GRIN2B: variants seen among roughly 807,000 people sequenced by gnomAD.
GRIN2B encodes glutamate receptor ionotropic, NMDA 2B.
Under a neutral mutation model 114.5 loss-of-function variants are expected in GRIN2B, and 5 were observed. That is an observed-to-expected ratio of 0.04 (90% CI 0.02 to 0.09). GRIN2B has a LOEUF of 0.09. GRIN2B is among the 10% of genes least tolerant of loss of function. The probability of loss-of-function intolerance (pLI) is 1.00; values close to 1 mark genes in which losing one functional copy is unlikely to be tolerated. For missense variants in GRIN2B, 1,108 were observed against 1,943.5 expected, an observed-to-expected ratio of 0.57 and a Z score of 8.08; for synonymous variants, 787 against 745.1, an observed-to-expected ratio of 1.06 and a Z score of -0.92.
intron 2 of GRIN2B, among the ~76,000 whole-genome samples, chr12:13,924,055 A>C (rs1241360778): frequency 6.6e-6 from 1 of 152,138 alleles, no homozygotes; most frequent in East Asian, 1.9e-4. Flanking sequence ...AAAACAGAGA[A>C]TCTTACTCTT....
chr12:13,584,705 C>T (rs569965356), intron 10 of GRIN2B, among the ~76,000 whole-genome samples: 3 of 152,292 alleles, frequency 2.0e-5, no homozygotes, highest in African/African-American at 7.2e-5. Flanking sequence ...AGACTTAGGA[C>T]TTGACAATGC....
At chr12:13,686,381 T>C (rs1040670126) in intron 4 of GRIN2B, among the ~76,000 whole-genome samples, 2 of 152,092 alleles carry the variant, frequency 1.3e-5, no homozygotes, top group Non-Finnish European at 2.9e-5. Context: ...GCATCTTCAC[T>C]GGGAAGCTGA....
chr12:13,768,284 A>G (rs1401523394), intron 3 of GRIN2B, among the ~76,000 whole-genome samples: 2 of 152,220 alleles, frequency 1.3e-5, no homozygotes, highest in Non-Finnish European at 2.9e-5. Context: ...GCAGCTGCCC[A>G]GTGCCTGCAG....
At chr12:13,751,286 T>C (rs1376986835) in intron 4 of GRIN2B, among the ~76,000 whole-genome samples, 1 of 152,170 alleles carries the variant, frequency 6.6e-6, no homozygotes, top group Non-Finnish European at 1.5e-5. Context: ...AAAGGAGCAA[T>C]GAAAAGCCTC....
At chr12:13,666,738 G>C (rs752298923) in intron 5 of GRIN2B, among the ~76,000 whole-genome samples, 5 of 152,110 alleles carry the variant, frequency 3.3e-5, no homozygotes, top group Non-Finnish European at 7.4e-5. Context: ...TGGAGATACA[G>C]CCTGTGCATG....
chr12:13,662,309 T>C (rs1306785213), intron 5 of GRIN2B, among the ~76,000 whole-genome samples: 1 of 152,162 alleles, frequency 6.6e-6, no homozygotes, highest in Non-Finnish European at 1.5e-5. Context: ...ACACAGAATC[T>C]GTATACAATT....
chr12:13,560,014 C>T lies in GRIN2B; in HGVS notation c.*2769G>A, dbSNP rs921113537. 7 of 152,168 alleles carry T rather than the reference C, an allele frequency of 4.6e-5. No homozygotes were observed. Among genetic ancestry groups the T allele is most frequent in the African/African-American group, 1.7e-4 (7 of 41,440 alleles). The allele number at this position is 152,168 out of a possible 1,614,324, so 9.4% of individuals were successfully genotyped here. A position where few individuals can be genotyped will look rare whatever the true frequency, so the allele number is the denominator to read the frequency against. On this transcript the variant is annotated 3_prime_UTR_variant, in exon 14 of 14. Coordinates refer to ENST00000609686, the MANE Select transcript of GRIN2B (RefSeq NM_000834.5). Reference sequence around the variant, plus strand: ...AGGAAATATGGTGCCACCAGCCTGTCTTTGTGTGGAATGTGGTAACCTAGG... The same window carrying T: ...AGGAAATATGGTGCCACCAGCCTGTTTTTGTGTGGAATGTGGTAACCTAGG...
At chr12:13,702,680 C>A (rs1035691593) in intron 4 of GRIN2B, among the ~76,000 whole-genome samples, 1 of 152,264 alleles carries the variant, frequency 6.6e-6, no homozygotes, top group African/African-American at 2.4e-5. Flanking sequence ...AACTCACTTC[C>A]AAATACCCCA....
chr12:13,854,721 C>A (rs977193278), intron 3 of GRIN2B, among the ~76,000 whole-genome samples: 1 of 151,964 alleles, frequency 6.6e-6, no homozygotes, highest in East Asian at 1.9e-4. Flanking sequence ...GAGAGAACAC[C>A]CAAACTGCAT....
chr12:13,768,709 C>A (rs1006157747), intron 3 of GRIN2B, among the ~76,000 whole-genome samples: 2 of 152,174 alleles, frequency 1.3e-5, no homozygotes, highest in Non-Finnish European at 2.9e-5. Flanking sequence ...CTTAGTTAGT[C>A]TTTGCTCCTG....
At chr12:13,660,385 T>C (rs953206280) in intron 5 of GRIN2B, among the ~76,000 whole-genome samples, 1 of 152,158 alleles carries the variant, frequency 6.6e-6, no homozygotes, top group African/African-American at 2.4e-5. Flanking sequence ...TCTATTTACC[T>C]TTATATTTTC....
intron 3 of GRIN2B, among the ~76,000 whole-genome samples, chr12:13,756,833 G>A (rs1863584503): frequency 6.6e-6 from 1 of 152,144 alleles, no homozygotes; most frequent in South Asian, 2.1e-4. Context: ...TAATTAGATT[G>A]AATTTAGAAG....
At chr12:13,961,088 T>C (rs1439880969) in intron 2 of GRIN2B, among the ~76,000 whole-genome samples, 1 of 151,990 alleles carries the variant, frequency 6.6e-6, no homozygotes, top group Non-Finnish European at 1.5e-5. Flanking sequence ...GACGACTTTT[T>C]TTTTTTTTAT....
Position 13,866,189 on chromosome 12 carries a change from C to T in GRIN2B, c.20G>A (p.Cys7Tyr), listed in dbSNP as rs1372364197. MKPRAECCSPKFWLVLA... is the reference protein window; with the variant it reads MKPRAEYCSPKFWLVLA... ...CACCAACCAGAACTTGGGAGAACAG[C>T]ACTCCGCTCTGGGCTTCATCTTCAA... The change falls in exon 3 of 14, where the codon TGC (cysteine) becomes TAC (tyrosine). Residue 7 changes from cysteine to tyrosine, a missense_variant. Around this residue, in one of 19 missense-constraint regions of GRIN2B, gnomAD observed 46 missense variants for 44.4 expected, o/e 1.04. Coordinates refer to ENST00000609686, the MANE Select transcript of GRIN2B (RefSeq NM_000834.5). 1.2e-6 allele frequency: 2 copies of T among 1,610,306 alleles called. No homozygotes were observed. The highest frequency in any genetic ancestry group is 1.1e-5 in the South Asian group (1 of 91,076).
chr12:13,960,440 T>C (rs1245783296), intron 2 of GRIN2B, among the ~76,000 whole-genome samples: 1 of 152,112 alleles, frequency 6.6e-6, no homozygotes, highest in Non-Finnish European at 1.5e-5. Context: ...CCAAGGCCCA[T>C]GTTTTTTTAC....
At chr12:13,871,707 C>A (rs1865910498) in intron 2 of GRIN2B, among the ~76,000 whole-genome samples, 1 of 147,620 alleles carries the variant, frequency 6.8e-6, no homozygotes. Flanking sequence ...ACGTAAAGTC[C>A]TGACAAGATG....
intron 2 of GRIN2B, among the ~76,000 whole-genome samples, chr12:13,971,550 G>A (rs1862916240): frequency 6.6e-6 from 1 of 152,032 alleles, no homozygotes; most frequent in African/African-American, 2.4e-5. Context: ...AGGGCAACAG[G>A]GCTAGTGAAT....
chr12:13,686,845 G>A (rs1950177663), intron 4 of GRIN2B, among the ~76,000 whole-genome samples: 2 of 152,092 alleles, frequency 1.3e-5, no homozygotes, highest in Admixed American at 6.5e-5. Context: ...ACCTCATGTT[G>A]AAATTTGAAC....
chr12:13,664,407 T>A (rs865874983), intron 5 of GRIN2B, among the ~76,000 whole-genome samples: 1 of 152,176 alleles, frequency 6.6e-6, no homozygotes. Flanking sequence ...CACATCTGTA[T>A]ACCACCTATA....
Sources: allele counts gnomAD v4.1 joint callset (sites outside exome capture counted in the v4.1 genomes callset), GRCh38; gene constraint gnomAD v4.1.1; regional missense constraint gnomAD v4.1.1; transcripts MANE v1.5; gene names NCBI Gene and HGNC (gene_info 2026-07-23, HGNC 2026-07-21).